The following SDCCAG8 variants were observed in gnomAD, a reference collection of about 807,000 sequenced individuals.
The protein encoded by SDCCAG8 is serologically defined colon cancer antigen 8.
Under a neutral mutation model 101.8 loss-of-function variants are expected in SDCCAG8, and 74 were observed. The observed-to-expected ratio is 0.73, with a 90% CI of 0.60 to 0.88. SDCCAG8 has a LOEUF of 0.88. SDCCAG8 is among the 40% of genes least tolerant of loss of function. The pLI is 0.00. For synonymous variants in SDCCAG8, 281 were observed against 292.9 expected (o/e 0.96, Z 0.41); for missense variants, 787 against 822.6 (o/e 0.96, Z 0.53).
intron 12 of SDCCAG8, among the ~76,000 whole-genome samples, chr1:243,373,040 C>G (rs1041626230): frequency 9.3e-5 from 14 of 151,246 alleles, no homozygotes; most frequent in Non-Finnish European, 5.9e-5. Flanking sequence ...CAGAGCACAT[C>G]ACACATAGTA....
intron 6 of SDCCAG8, among the ~76,000 whole-genome samples, chr1:243,294,951 C>T (rs2070721652): frequency 6.6e-6 from 1 of 152,108 alleles, no homozygotes. Context: ...TTCAGGTTCT[C>T]ATTATTATCC....
chr1:243,266,574 C>T (rs967584578), intron 1 of SDCCAG8, among the ~76,000 whole-genome samples: 1 of 151,868 alleles, frequency 6.6e-6, no homozygotes. Flanking sequence ...CCCACCTTAG[C>T]CTCCCAAAGT....
In SDCCAG8 at chr1:243,293,088, T is replaced by C. The variant is rs1172254078; in HGVS notation, c.547-3T>C. Reference sequence around the variant, plus strand: ...TTGCAGTTACTGGCACATTTTATTTTAGGGAAACATGCACAATTCTTGGAT... The same window carrying C: ...TTGCAGTTACTGGCACATTTTATTTCAGGGAAACATGCACAATTCTTGGAT... On this transcript the variant is annotated splice_polypyrimidine_tract_variant and splice_region_variant and intron_variant, in intron 5 of 17. Transcript: ENST00000366541. 6.2e-7 allele frequency: 1 copy of C among 1,614,136 alleles called. No individual in the cohort carries two copies. Among genetic ancestry groups the C allele is most frequent in the Non-Finnish European group, 8.5e-7 (1 of 1,179,982 alleles).
At chr1:243,340,534 C>T (rs1233958009) in intron 10 of SDCCAG8, among the ~76,000 whole-genome samples, 1 of 152,080 alleles carries the variant, frequency 6.6e-6, no homozygotes, top group Non-Finnish European at 1.5e-5. Context: ...GGGGTTTTAC[C>T]AACAAAGGGC....
chr1:243,377,332 ATTT>A (rs1347536894), intron 12 of SDCCAG8, among the ~76,000 whole-genome samples: 1 of 151,972 alleles, frequency 6.6e-6, no homozygotes, highest in Non-Finnish European at 1.5e-5. Flanking sequence ...AGTCTTTATT[ATTT>A]TTATCTCTTT....
intron 3 of SDCCAG8, 80 bp downstream of exon 3, chr1:243,271,143 A>C: frequency 1.0e-6 from 1 of 1,002,066 alleles, no homozygotes; most frequent in East Asian, 2.4e-5. Context: ...ATGTTGCAGA[A>C]AAAATTTAAG....
At chr1:243,429,511 A>C (rs2148052203) in intron 16 of SDCCAG8, among the ~76,000 whole-genome samples, 1 of 152,174 alleles carries the variant, frequency 6.6e-6, no homozygotes, top group Admixed American at 6.5e-5. Flanking sequence ...TGAAGGAGAA[A>C]TATATTTTGT....
chr1:243,359,674 C>G (rs2076586040), intron 12 of SDCCAG8, among the ~76,000 whole-genome samples: 1 of 152,166 alleles, frequency 6.6e-6, no homozygotes, highest in South Asian at 2.1e-4. Flanking sequence ...AAGTCAGGGT[C>G]TTAACTTACC....
intron 8 of SDCCAG8, among the ~76,000 whole-genome samples, chr1:243,308,922 C>CTT: frequency 6.6e-6 from 1 of 152,344 alleles, no homozygotes; most frequent in East Asian, 1.9e-4. Context: ...CTCTCTCTAT[C>CTT]TGCTGTGCTC....
chr1:243,263,146 C>T (rs548473752), intron 1 of SDCCAG8, among the ~76,000 whole-genome samples: 1 of 152,280 alleles, frequency 6.6e-6, no homozygotes, highest in African/African-American at 2.4e-5. Context: ...AGAGTGATAG[C>T]AAGTCTCCCC....
chr1:243,405,670 T>C (rs2079729153), intron 13 of SDCCAG8, among the ~76,000 whole-genome samples: 1 of 152,172 alleles, frequency 6.6e-6, no homozygotes, highest in South Asian at 2.1e-4. Flanking sequence ...TTTAGACATA[T>C]TTCTATTGTA....
Position 243,489,010 on chromosome 1 carries a change from C to G in SDCCAG8, c.1986-4C>G, listed in dbSNP as rs1665718706. Reference sequence around the variant, plus strand: ...CTTTAATTCTGCGGTGGATTTTTCTCCAGGCTAAGGCAGCTGGATAAGCAC... The same window carrying G: ...CTTTAATTCTGCGGTGGATTTTTCTGCAGGCTAAGGCAGCTGGATAAGCAC... On this transcript the variant is annotated splice_polypyrimidine_tract_variant and splice_region_variant and intron_variant, in intron 16 of 17. Coordinates refer to ENST00000366541, the MANE Select transcript of SDCCAG8 (RefSeq NM_006642.5). 4 of 1,613,254 alleles carry G rather than the reference C, an allele frequency of 2.5e-6. No homozygotes were observed. The highest frequency in any genetic ancestry group is 3.4e-6 in the Non-Finnish European group (4 of 1,180,038).
intron 13 of SDCCAG8, among the ~76,000 whole-genome samples, chr1:243,406,703 G>A (rs117117528): frequency 7.9e-5 from 12 of 152,100 alleles, no homozygotes; most frequent in Admixed American, 4.6e-4. Flanking sequence ...TCCAAGTCTC[G>A]TCTTTCTTCA....
intron 12 of SDCCAG8, among the ~76,000 whole-genome samples, chr1:243,351,304 G>C (rs2076070302): frequency 6.6e-6 from 1 of 152,214 alleles, no homozygotes; most frequent in Admixed American, 6.5e-5. Context: ...GACAACAGCA[G>C]TTCCAGAGGG....
At chr1:243,411,146 C>T (rs2080144640) in intron 13 of SDCCAG8, among the ~76,000 whole-genome samples, 1 of 152,074 alleles carries the variant, frequency 6.6e-6, no homozygotes, top group Non-Finnish European at 1.5e-5. Context: ...CAGGGTCTCA[C>T]TCTGTCGCCC....
chr1:243,338,635 A>T (rs2075176160), intron 10 of SDCCAG8: 1 of 152,156 alleles, frequency 6.6e-6, no homozygotes, highest in Non-Finnish European at 1.5e-5. Flanking sequence ...TGAGGTCCAC[A>T]CGTTTTCTCA....
rs1223970993 is a variant in SDCCAG8, at chr1:243,497,489, T to C, written c.2113-2267T>C. 4.6e-5 allele frequency among the ~76,000 whole-genome samples: 7 copies of C among 152,238 alleles called. No homozygotes were observed. The East Asian group carries it at 1.2e-3, about 25-fold the overall frequency. On this transcript the variant is annotated intron_variant, in intron 17 of 17. Coordinates refer to ENST00000366541, the MANE Select transcript of SDCCAG8 (RefSeq NM_006642.5). ...AGGAAGGAATCAGGCTGACTTTTGA[T>C]TGGTTCCTGGTGAGGCCCGTACATC...
At chr1:243,304,197 G>C (rs750438142) in intron 6 of SDCCAG8, among the ~76,000 whole-genome samples, 1 of 152,012 alleles carries the variant, frequency 6.6e-6, no homozygotes, top group Non-Finnish European at 1.5e-5. Flanking sequence ...GGGATATTTC[G>C]TAAGTTCCTT....
rs184618893 is a variant in SDCCAG8, at chr1:243,346,865, T to C, written c.1473+2534T>C. Among the ~76,000 whole-genome samples the C allele has an allele frequency of 1.2e-4, 18 of 151,824 alleles. No homozygotes were observed. In the East Asian group the frequency reaches 3.5e-3, roughly 29 times the overall value. ...GAGAAATTTTTTTAGGCAATGGTTATACACACACACACACTCGATCAGGGG... is the reference window on the plus strand; with the variant it reads ...GAGAAATTTTTTTAGGCAATGGTTACACACACACACACACTCGATCAGGGG... On this transcript the variant is annotated intron_variant, in intron 12 of 17. Transcript: ENST00000366541.
Sources: gnomAD v4.1 joint callset for allele counts (sites outside exome capture counted in the v4.1 genomes callset) on GRCh38, gnomAD v4.1.1 for gene constraint, MANE v1.5 for transcripts, NCBI Gene and HGNC (gene_info 2026-07-23, HGNC 2026-07-21) for gene names.